SHISA9: variants seen among roughly 807,000 people sequenced by gnomAD.
The protein encoded by SHISA9 is shisa family member 9.
A neutral mutation model predicts 38.0 loss-of-function variants in SHISA9; 13 were observed. The ratio of observed to expected loss-of-function variants is 0.34; its 90% CI spans 0.22 to 0.54. The LOEUF (loss-of-function observed/expected upper bound fraction) is 0.54, where lower values mean the gene tolerates loss of function less well. Ranked by LOEUF, SHISA9 falls within the 20% of genes least tolerant of loss-of-function variation. The pLI is 0.91. For synonymous variants in SHISA9, 275 were observed against 242.0 expected, an observed-to-expected ratio of 1.14 and a Z score of -1.27; for missense variants, 538 against 575.8, an observed-to-expected ratio of 0.93 and a Z score of 0.67.
chr16:13,093,374 A>G (rs2073794686), intron 2 of SHISA9, among the ~76,000 whole-genome samples: 1 of 152,182 alleles, frequency 6.6e-6, no homozygotes, highest in South Asian at 2.1e-4. Flanking sequence ...TTGTTCATCT[A>G]TAAAGTGGGA....
intron 2 of SHISA9, among the ~76,000 whole-genome samples, chr16:13,194,967 AGAGTTG>A (rs2050923078): frequency 6.6e-6 from 1 of 152,248 alleles, no homozygotes; most frequent in African/African-American, 2.4e-5. Context: ...ACAGTGAGTT[AGAGTTG>A]GAGACATCAG....
At chr16:13,050,120 A>G (rs1434040955) in intron 2 of SHISA9, among the ~76,000 whole-genome samples, 1 of 152,138 alleles carries the variant, frequency 6.6e-6, no homozygotes, top group Non-Finnish European at 1.5e-5. Context: ...TCTAGGATAT[A>G]TTGGTAAGTT....
chr16:13,041,220 TA>T (rs1443789796), intron 2 of SHISA9, among the ~76,000 whole-genome samples: 1 of 152,134 alleles, frequency 6.6e-6, no homozygotes, highest in African/African-American at 2.4e-5. Context: ...CCCCCACAAA[TA>T]AATTTTGTTT....
At chr16:13,272,077 TAAAA>T in the SHISA9 span, among the ~76,000 whole-genome samples, 7 of 117,536 alleles carry the variant, frequency 6.0e-5, no homozygotes, top group South Asian at 2.9e-4. Flanking sequence ...ATCTCAAAAT[TAAAA>T]AAAAAAAAAA....
At chr16:13,020,017 T>TTCCTTCCC (rs2072832475) in intron 2 of SHISA9, among the ~76,000 whole-genome samples, 1 of 127,570 alleles carries the variant, frequency 7.8e-6, no homozygotes, top group African/African-American at 3.0e-5. Context: ...CCTTCCCTCC[T>TTCCTTCCC]TCCTTCCTTC....
chr16:13,326,078 AAAAG>A, the SHISA9 span, among the ~76,000 whole-genome samples: 2 of 151,964 alleles, frequency 1.3e-5, no homozygotes, highest in South Asian at 2.1e-4. Flanking sequence ...TAAAAAAAAA[AAAAG>A]AAAGAAAAAA....
the SHISA9 span, among the ~76,000 whole-genome samples, chr16:13,491,438 A>C: frequency 1.3e-5 from 2 of 151,492 alleles, no homozygotes; most frequent in Admixed American, 1.3e-4. Context: ...ACTGAGGCTA[A>C]CAAGTGTCAA....
chr16:13,358,436 C>G, the SHISA9 span, among the ~76,000 whole-genome samples: 1 of 152,074 alleles, frequency 6.6e-6, no homozygotes, highest in Non-Finnish European at 1.5e-5. Context: ...GCTGTGTCCA[C>G]GTGTTCTCTC....
At chr16:13,443,055 G>C in the SHISA9 span, among the ~76,000 whole-genome samples, 2 of 152,276 alleles carry the variant, frequency 1.3e-5, no homozygotes, top group South Asian at 4.1e-4. Flanking sequence ...AAGCAGACCA[G>C]ACTCACAAGA....
the SHISA9 span, among the ~76,000 whole-genome samples, chr16:13,293,379 C>G: frequency 6.6e-6 from 1 of 152,154 alleles, no homozygotes; most frequent in Admixed American, 6.5e-5. Context: ...GTTGTACCAT[C>G]TGCAAAGCTC....
At chr16:13,106,180 A>C (rs956299848) in intron 2 of SHISA9, among the ~76,000 whole-genome samples, 1 of 152,290 alleles carries the variant, frequency 6.6e-6, no homozygotes, top group South Asian at 2.1e-4. Flanking sequence ...GTGCTTGGCT[A>C]TTGAGCTCTG....
chr16:12,979,159 C>T (rs2072207383), intron 2 of SHISA9, among the ~76,000 whole-genome samples: 1 of 152,234 alleles, frequency 6.6e-6, no homozygotes, highest in African/African-American at 2.4e-5. Flanking sequence ...GCAATTCTTG[C>T]ATGGTTTATA....
At chr16:13,547,176 G>A in the SHISA9 span, among the ~76,000 whole-genome samples, 1 of 152,196 alleles carries the variant, frequency 6.6e-6, no homozygotes, top group Non-Finnish European at 1.5e-5. Context: ...TATCTACTAT[G>A]TGCTCAGTAA....
chr16:13,001,217 C>T (rs1455296106), intron 2 of SHISA9, among the ~76,000 whole-genome samples: 3 of 152,186 alleles, frequency 2.0e-5, no homozygotes, highest in Non-Finnish European at 2.9e-5. Flanking sequence ...CGTGAGCCAC[C>T]GTGCCCAGCC....
chr16:13,306,748 G>C, the SHISA9 span, among the ~76,000 whole-genome samples: 16 of 152,256 alleles, frequency 1.1e-4, no homozygotes, highest in African/African-American at 3.9e-4. Context: ...CCAGGAAGCT[G>C]CAAGATATTT....
At chr16:13,206,162 A>G (rs1213334091) in intron 3 of SHISA9, among the ~76,000 whole-genome samples, 2 of 152,082 alleles carry the variant, frequency 1.3e-5, no homozygotes, top group African/African-American at 2.4e-5. Context: ...AGAACAATTC[A>G]CTTTGAGTGG....
chr16:12,911,974 A>C (rs184754363), intron 1 of SHISA9, among the ~76,000 whole-genome samples: 1 of 152,372 alleles, frequency 6.6e-6, no homozygotes, highest in Admixed American at 6.5e-5. Flanking sequence ...TAATCTGTGC[A>C]TCCCCTTTGG....
At chr16:13,251,479 C>T in the SHISA9 span, among the ~76,000 whole-genome samples, 2 of 152,120 alleles carry the variant, frequency 1.3e-5, no homozygotes, top group African/African-American at 2.4e-5. Context: ...AGGGTTAACA[C>T]ACCACGGCCC....
At chr16:13,121,797 A>G (rs1045951390) in intron 2 of SHISA9, among the ~76,000 whole-genome samples, 2 of 150,514 alleles carry the variant, frequency 1.3e-5, no homozygotes, top group African/African-American at 4.9e-5. Context: ...TATTGCTTTT[A>G]TAATAGGTCA....
Sources: gnomAD v4.1 joint callset for allele counts (sites outside exome capture counted in the v4.1 genomes callset) on GRCh38, gnomAD v4.1.1 for gene constraint, MANE v1.5 for transcripts, NCBI Gene and HGNC (gene_info 2026-07-23, HGNC 2026-07-21) for gene names.